Variants in DIS3L2 observed in about 807,000 individuals in gnomAD.
The protein encoded by DIS3L2 is DIS3 like 3'-5' exoribonuclease 2.
A neutral mutation model predicts 97.5 loss-of-function variants in DIS3L2; 34 were observed. That is an observed-to-expected ratio of 0.35 (90% confidence interval 0.27 to 0.46). The LOEUF is 0.46. Among genes scored for constraint, DIS3L2 ranks in the 20% least tolerant of loss-of-function variants. The pLI, the probability that DIS3L2 is intolerant of heterozygous loss-of-function variation, is 1.00. For synonymous variants in DIS3L2, 435 were observed against 445.2 expected (o/e 0.98, Z 0.29); for missense variants, 1,038 against 1,146.0 (o/e 0.91, Z 1.36).
intron 11 of DIS3L2, among the ~76,000 whole-genome samples, chr2:232,247,614 C>T (rs144750754): frequency 1.7e-4 from 2 of 11,964 alleles, no homozygotes; most frequent in African/African-American, 3.6e-4. Flanking sequence ...ATATAACTGC[C>T]GCGGGGGGGG....
At chr2:232,195,831 GC>G (rs1482086498) in intron 9 of DIS3L2, among the ~76,000 whole-genome samples, 1 of 152,116 alleles carries the variant, frequency 6.6e-6, no homozygotes, top group African/African-American at 2.4e-5. Flanking sequence ...GTGGCTCCTG[GC>G]TGCATATCTC....
At chr2:232,010,043 G>A (rs1416537140) in intron 1 of DIS3L2, among the ~76,000 whole-genome samples, 1 of 152,174 alleles carries the variant, frequency 6.6e-6, no homozygotes, top group Non-Finnish European at 1.5e-5. Context: ...AATTGGGAGC[G>A]AGTGTGGGAT....
At chr2:232,255,071 G>A (rs1693522469) in intron 12 of DIS3L2, among the ~76,000 whole-genome samples, 1 of 152,210 alleles carries the variant, frequency 6.6e-6, no homozygotes, top group Admixed American at 6.5e-5. Context: ...CACATCCAAG[G>A]GATGGTCCTT....
intron 9 of DIS3L2, among the ~76,000 whole-genome samples, chr2:232,164,234 C>G (rs1422955653): frequency 6.6e-6 from 1 of 152,192 alleles, no homozygotes; most frequent in Non-Finnish European, 1.5e-5. Flanking sequence ...TTCAAGACTT[C>G]TGTACTTGGA....
chr2:232,308,561 C>T (rs1172748517), intron 14 of DIS3L2, among the ~76,000 whole-genome samples: 2 of 152,202 alleles, frequency 1.3e-5, no homozygotes, highest in Middle Eastern at 3.2e-3. Flanking sequence ...GAGAGAGCTA[C>T]GCTGTGGGAT....
At chr2:232,071,700 GAAGTAGTTTCTCTTTTTA>G (rs1696024174) in intron 5 of DIS3L2, among the ~76,000 whole-genome samples, 1 of 152,094 alleles carries the variant, frequency 6.6e-6, no homozygotes, top group Non-Finnish European at 1.5e-5. Flanking sequence ...AAAGAATAGA[GAAGTAGTTTCTCTTTTTA>G]AAATAGAGAC....
rs114304385 is a variant in DIS3L2, at chr2:232,222,844, T to C, written c.1204+12439T>C. Among the ~76,000 whole-genome samples the C allele has an allele frequency of 2.8e-3, 429 of 152,366 alleles. 1 individual carries two copies. The highest frequency in any genetic ancestry group is 4.7e-3 in the Non-Finnish European group (317 of 68,040). On this transcript the variant is annotated intron_variant, in intron 10 of 20. Coordinates refer to ENST00000325385, the MANE Select transcript of DIS3L2 (RefSeq NM_152383.5). ...TGTACCTTGACTCAAAAAATCCAAA[T>C]AACTGAATAGTCATGCGAGGGCTCT...
chr2:231,992,801 A>G (rs1013916527), intron 1 of DIS3L2, among the ~76,000 whole-genome samples: 12 of 152,094 alleles, frequency 7.9e-5, no homozygotes, highest in African/African-American at 2.9e-4. Context: ...GGAAGTAGAG[A>G]AAAGACATTT....
rs545340706 is a variant in DIS3L2, at chr2:232,148,798, T to C, written c.950+12079T>C. 2.1e-5 allele frequency among the ~76,000 whole-genome samples: 3 copies of C among 141,078 alleles called. No individual in the cohort carries two copies. In the East Asian group the frequency reaches 6.4e-4, roughly 30 times the overall value. The allele number at this position is 141,078 out of a possible 152,430, so 92.6% of individuals were successfully genotyped here. A position where few individuals can be genotyped will look rare whatever the true frequency, so the allele number is the denominator to read the frequency against. On this transcript the variant is annotated intron_variant, in intron 8 of 20. Transcript: ENST00000325385. ...ACACAGCCTTCTTAATCTACACATA[T>C]GGCAAGCTAATAATTCCAAAAAAAT...
intron 1 of DIS3L2, among the ~76,000 whole-genome samples, chr2:231,969,273 C>T (rs1346172160): frequency 6.7e-6 from 1 of 149,036 alleles, no homozygotes; most frequent in Non-Finnish European, 1.5e-5. Context: ...CTCCATCAAT[C>T]TGGCTAAGCT....
intron 9 of DIS3L2, among the ~76,000 whole-genome samples, chr2:232,167,683 G>T (rs1006094155): frequency 3.3e-5 from 5 of 152,216 alleles, no homozygotes; most frequent in East Asian, 3.9e-4. Flanking sequence ...TCATTGAAAG[G>T]TGCTGCGTTT....
intron 1 of DIS3L2, among the ~76,000 whole-genome samples, chr2:231,965,528 T>C (rs981659197): frequency 1.3e-5 from 2 of 152,078 alleles, no homozygotes; most frequent in Non-Finnish European, 2.9e-5. Context: ...TTTGTGAAGA[T>C]GATCAAACTT....
chr2:232,255,552 G>A (rs1425814480), intron 12 of DIS3L2, among the ~76,000 whole-genome samples: 2 of 152,152 alleles, frequency 1.3e-5, no homozygotes, highest in African/African-American at 4.8e-5. Flanking sequence ...CTAGTGCTCA[G>A]GCTTTTAGGT....
chr2:232,052,889 GT>G (rs1695449024), intron 5 of DIS3L2, among the ~76,000 whole-genome samples: 1 of 152,088 alleles, frequency 6.6e-6, no homozygotes, highest in Admixed American at 6.5e-5. Context: ...CTTCTGGGTG[GT>G]ATTTGCATGA....
chr2:232,184,225 G>A (rs1691371788), intron 9 of DIS3L2, among the ~76,000 whole-genome samples: 1 of 152,168 alleles, frequency 6.6e-6, no homozygotes, highest in African/African-American at 2.4e-5. Context: ...TACTTTGCGA[G>A]TCCCACTGAT....
chr2:232,324,096 G>A (rs1324236860), intron 14 of DIS3L2, among the ~76,000 whole-genome samples: 2 of 152,174 alleles, frequency 1.3e-5, no homozygotes, highest in African/African-American at 2.4e-5. Flanking sequence ...CAGGTTCTAC[G>A]TAAAGGTGGC....
At chr2:232,257,231 G>A (rs917577640) in intron 12 of DIS3L2, among the ~76,000 whole-genome samples, 1 of 152,148 alleles carries the variant, frequency 6.6e-6, no homozygotes, top group Non-Finnish European at 1.5e-5. Flanking sequence ...TGAGGACTGG[G>A]GCTTGTGGAG....
chr2:232,172,007 C>T (rs984845163), intron 9 of DIS3L2, among the ~76,000 whole-genome samples: 1 of 152,104 alleles, frequency 6.6e-6, no homozygotes, highest in Admixed American at 6.6e-5. Context: ...AAGATAATTT[C>T]TACATCTTCT....
chr2:232,195,277 G>T (rs1475860126), intron 9 of DIS3L2, among the ~76,000 whole-genome samples: 2 of 152,172 alleles, frequency 1.3e-5, no homozygotes, highest in African/African-American at 4.8e-5. Context: ...AGCCCAATGG[G>T]TTCTTCTTGC....
Sources: allele counts gnomAD v4.1 joint callset (sites outside exome capture counted in the v4.1 genomes callset), GRCh38; gene constraint gnomAD v4.1.1; transcripts MANE v1.5; gene names NCBI Gene and HGNC (gene_info 2026-07-23, HGNC 2026-07-21).